Variants in SIPA1L2 observed in about 807,000 individuals in gnomAD.
SIPA1L2 encodes the protein signal induced proliferation associated 1 like 2, also known as signal-induced proliferation-associated 1-like protein 2.
A neutral mutation model predicts 163.9 loss-of-function variants in SIPA1L2; 56 were observed. The observed-to-expected ratio is 0.34, with a 90% CI of 0.28 to 0.43. The LOEUF is 0.43. Ranked by LOEUF, SIPA1L2 falls within the 20% of genes least tolerant of loss-of-function variation. SIPA1L2 has a pLI of 1.00. For missense variants in SIPA1L2, 1,974 were observed against 2,193.5 expected (o/e 0.90, Z 2.00); for synonymous variants, 877 against 865.7 (o/e 1.01, Z -0.23).
rs1025305837 is a variant in SIPA1L2, at chr1:232,471,396, G to A, written c.2218C>T (p.Pro740Ser). Residue 740 changes from proline (P) to serine (S), a missense_variant, in exon 8 of 23, where the codon CCA (proline) becomes TCA (serine). Physicochemically the swap from Pro to Ser is moderately conservative, Grantham distance 74. Around this residue, in one of 3 missense-constraint regions of SIPA1L2, gnomAD observed 288 missense variants for 418.9 expected, o/e 0.69. Transcript: ENST00000674635. ...CTATAACACACATTTTCGGTACATG[G>A]ATTATGCACTTTGACTATGACAAAG... is the stretch of plus-strand genomic sequence containing the variant. ...HVFVIVKVHN[P>S]CTENVCYSVG... The A allele has an allele frequency of 7.4e-6, 12 of 1,613,856 alleles. No homozygotes were observed. In the African/African-American group the frequency reaches 1.6e-4, roughly 22 times the overall value.
At chr1:232,579,816 A>C (rs1315842430) in intron 1 of SIPA1L2, among the ~76,000 whole-genome samples, 1 of 152,178 alleles carries the variant, frequency 6.6e-6, no homozygotes, top group Non-Finnish European at 1.5e-5. Flanking sequence ...CAGAAGTCTC[A>C]CAAAACAAAA....
intron 22 of SIPA1L2, among the ~76,000 whole-genome samples, chr1:232,400,621 T>A (rs1188481327): frequency 1.3e-5 from 2 of 152,148 alleles, no homozygotes; most frequent in Non-Finnish European, 2.9e-5. Context: ...GCTGCAATTA[T>A]CTACTGTATC....
intron 19 of SIPA1L2, among the ~76,000 whole-genome samples, chr1:232,415,225 C>T (rs1661178584): frequency 6.6e-6 from 1 of 152,180 alleles, no homozygotes; most frequent in African/African-American, 2.4e-5. Context: ...ACAGAGGTCC[C>T]ACCCAGGTCA....
chr1:232,553,066 T>C (rs569552022), intron 2 of SIPA1L2, among the ~76,000 whole-genome samples: 1 of 152,190 alleles, frequency 6.6e-6, no homozygotes, highest in Admixed American at 6.5e-5. Flanking sequence ...TTGTCTGGAG[T>C]CCAGGAAGCA....
At chr1:232,415,806 G>C in intron 18 of SIPA1L2, 181 bp from the exon 19 acceptor site, 1 of 580,782 alleles carries the variant, frequency 1.7e-6, no homozygotes, top group Non-Finnish European at 2.9e-6. Context: ...GAGTCAGTCA[G>C]TCAGAACACG....
At chr1:232,601,611 G>A (rs931342099) in intron 1 of SIPA1L2, among the ~76,000 whole-genome samples, 1 of 152,040 alleles carries the variant, frequency 6.6e-6, no homozygotes, top group African/African-American at 2.4e-5. Flanking sequence ...GGCCCATTTG[G>A]GGATGTTCTG....
intron 2 of SIPA1L2, among the ~76,000 whole-genome samples, chr1:232,572,375 C>T (rs906067848): frequency 2.0e-5 from 3 of 152,124 alleles, no homozygotes; most frequent in Admixed American, 6.5e-5. Context: ...TGTTCACTAT[C>T]TCCCTCGTTT....
At position 232,425,584 on chromosome 1, in the gene SIPA1L2, C is replaced by A; in HGVS notation, c.4630+5G>T. On this transcript the variant is annotated splice_donor_5th_base_variant and intron_variant, in intron 18 of 22. Transcript: ENST00000674635. ...TGGCCAGGGAGCAGCCAGCCCCTCA[C>A]TTACTTCTCAGGCTCCCCATGCTGG... The A allele has an allele frequency of 6.4e-7, 1 of 1,565,640 alleles. No individual in the cohort carries two copies. The highest frequency in any genetic ancestry group is 8.7e-7 in the Non-Finnish European group (1 of 1,151,198).
intron 12 of SIPA1L2, 78 bp downstream of exon 12, chr1:232,443,524 C>A (rs929437748): frequency 8.9e-6 from 10 of 1,129,464 alleles, no homozygotes; most frequent in Non-Finnish European, 1.2e-5. Flanking sequence ...GTACAGAAGG[C>A]ACACAGTAAA....
chr1:232,624,525 A>C (rs1428299312), intron 1 of SIPA1L2, among the ~76,000 whole-genome samples: 1 of 152,218 alleles, frequency 6.6e-6, no homozygotes, highest in Non-Finnish European at 1.5e-5. Context: ...TCATCTCAGC[A>C]GACATAATCT....
rs777106582 is a variant in SIPA1L2, at chr1:232,399,146, G to A, written c.5150C>T (p.Thr1717Ile). The A allele has an allele frequency of 5.6e-5, 91 of 1,614,068 alleles. No homozygotes were observed. The South Asian group carries it at 9.9e-4, about 18-fold the overall frequency. Reference protein sequence around the residue: ...LRKFTEWFFTTIDKKS With the variant: ...LRKFTEWFFTIIDKKS ...GATTGGCTAAGATTTTTTGTCGATG[G>A]TGGTGAAAAACCATTCTGTGAATTT... Residue 1717 changes from threonine to isoleucine, a missense_variant, in exon 23 of 23, where the codon ACC becomes ATC. Physicochemically the swap from Thr to Ile is moderately conservative, Grantham distance 89. Coordinates refer to ENST00000674635, the MANE Select transcript of SIPA1L2 (RefSeq NM_020808.5).
intron 11 of SIPA1L2, among the ~76,000 whole-genome samples, chr1:232,444,477 G>A (rs967836884): frequency 3.3e-5 from 5 of 152,146 alleles, no homozygotes; most frequent in Non-Finnish European, 5.9e-5. Flanking sequence ...GAGACCCAGA[G>A]CCAAGATGAT....
At chr1:232,519,601 T>C (rs993829588) in intron 2 of SIPA1L2, among the ~76,000 whole-genome samples, 6 of 152,220 alleles carry the variant, frequency 3.9e-5, no homozygotes, top group Non-Finnish European at 8.8e-5. Flanking sequence ...CCCTCTGTGA[T>C]TTTACATCAT....
intron 18 of SIPA1L2, among the ~76,000 whole-genome samples, chr1:232,423,551 T>C (rs1661702052): frequency 6.6e-6 from 1 of 152,230 alleles, no homozygotes; most frequent in South Asian, 2.1e-4. Flanking sequence ...AGTGTAGCTA[T>C]TGGAGGAGAT....
intron 2 of SIPA1L2, among the ~76,000 whole-genome samples, chr1:232,530,569 C>T (rs947777983): frequency 2.0e-5 from 3 of 151,924 alleles, no homozygotes; most frequent in African/African-American, 7.3e-5. Flanking sequence ...GGTAAATACT[C>T]CTTTTCGCTA....
At position 232,596,348 on chromosome 1, in the gene SIPA1L2, C is replaced by T. The variant is rs566525507; in HGVS notation, c.-318-22126G>A. On this transcript the variant is annotated intron_variant, in intron 1 of 22. Transcript: ENST00000674635. ...CACTCACATGCTATAAGAAAACTGC[C>T]CTATGTGTTTCCCACATGTGAAACG... 2.6e-5 allele frequency among the ~76,000 whole-genome samples: 4 copies of T among 152,278 alleles called. No homozygotes were observed. In the South Asian group the frequency reaches 8.3e-4, roughly 32 times the overall value.
chr1:232,494,344 T>A (rs4649380), intron 3 of SIPA1L2, among the ~76,000 whole-genome samples: 1 of 152,044 alleles, frequency 6.6e-6, no homozygotes. Context: ...TCCATCTACA[T>A]GGAAAGGGTG....
At position 232,429,350 on chromosome 1, in the gene SIPA1L2, C is replaced by T. The variant is rs116118731; in HGVS notation, c.4257-786G>A. ...TCTAGGAATTCACAGCCCACAGCAACGAGCTGGAGAATGACCTGAATGTTA... is the reference window on the plus strand; with the variant it reads ...TCTAGGAATTCACAGCCCACAGCAATGAGCTGGAGAATGACCTGAATGTTA... On this transcript the variant is annotated intron_variant, in intron 16 of 22. Coordinates refer to ENST00000674635, the MANE Select transcript of SIPA1L2 (RefSeq NM_020808.5). 7.3e-3 allele frequency among the ~76,000 whole-genome samples: 1,111 copies of T among 152,278 alleles called. 9 individuals are homozygous for T. Among genetic ancestry groups the T allele is most frequent in the African/African-American group, 0.024 (1,004 of 41,558 alleles).
At chr1:232,513,770 G>T in intron 3 of SIPA1L2, 87 bp downstream of exon 3, 1 of 1,379,514 alleles carries the variant, frequency 7.2e-7, no homozygotes, top group Non-Finnish European at 9.8e-7. Context: ...CTCTGAGGAA[G>T]GTGCTCCAAC....
Sources: gnomAD v4.1 joint callset for allele counts (sites outside exome capture counted in the v4.1 genomes callset) on GRCh38, gnomAD v4.1.1 for gene constraint, gnomAD v4.1.1 regional missense constraint, MANE v1.5 for transcripts, NCBI Gene and HGNC (gene_info 2026-07-23, HGNC 2026-07-21) for gene names.